Variants in TRIP4 observed in about 807,000 individuals in gnomAD.
TRIP4 encodes activating signal cointegrator 1.
Under a neutral mutation model 81.8 loss-of-function variants are expected in TRIP4, and 54 were observed. That is an observed-to-expected ratio of 0.66 (90% CI 0.53 to 0.83). The LOEUF (loss-of-function observed/expected upper bound fraction) is 0.83. Ranked by LOEUF, TRIP4 falls within the 40% of genes least tolerant of loss-of-function variation. The probability of loss-of-function intolerance (pLI) is 0.00; values close to 1 mark genes in which losing one functional copy is unlikely to be tolerated. For synonymous variants in TRIP4, 270 were observed against 242.8 expected (o/e 1.11, Z -1.04); for missense variants, 662 against 683.6 (o/e 0.97, Z 0.35).
At chr15:64,424,413 C>A (rs2140300799) in intron 10 of TRIP4, 4 of 407,610 alleles carry the variant, frequency 9.8e-6, no homozygotes, top group South Asian at 9.7e-5. Context: ...AAATCATCTT[C>A]TTTACTCTAA....
intron 5 of TRIP4, among the ~76,000 whole-genome samples, chr15:64,403,962 C>T (rs745890212): frequency 1.3e-5 from 2 of 152,060 alleles, no homozygotes; most frequent in Admixed American, 6.6e-5. Flanking sequence ...GAGGCCGAGA[C>T]GGGCGGATCA....
intron 11 of TRIP4, among the ~76,000 whole-genome samples, chr15:64,439,726 G>A (rs185833714): frequency 6.6e-6 from 1 of 151,706 alleles, no homozygotes; most frequent in East Asian, 1.9e-4. Flanking sequence ...GTTTCACCAT[G>A]TTGGCCAGGC....
At position 64,414,335 on chromosome 15, in the gene TRIP4, G is replaced by C; in HGVS notation, c.1170+124G>C. 5.3e-6 allele frequency: 7 copies of C among 1,313,874 alleles called. No homozygotes were observed. The South Asian group carries it at 1.1e-4, about 20-fold the overall frequency. The allele number at this position is 1,313,874 out of a possible 1,614,324, so 81.4% of individuals were successfully genotyped here. On this transcript the variant is annotated intron_variant, in intron 8 of 12. Coordinates refer to ENST00000261884, the MANE Select transcript of TRIP4 (RefSeq NM_016213.5). ...TCTCTCAATACACCTGTACCAATCAGCTCTCTCAACACACCTGCCAACCTT... is the reference window on the plus strand; with the variant it reads ...TCTCTCAATACACCTGTACCAATCACCTCTCTCAACACACCTGCCAACCTT...
At chr15:64,419,270 G>C (rs926825692) in intron 9 of TRIP4, among the ~76,000 whole-genome samples, 3 of 152,184 alleles carry the variant, frequency 2.0e-5, no homozygotes, top group African/African-American at 7.2e-5. Flanking sequence ...GAGATAAGTA[G>C]AGGTATTATA....
chr15:64,421,550 G>A (rs1396140319), intron 9 of TRIP4, among the ~76,000 whole-genome samples: 1 of 151,574 alleles, frequency 6.6e-6, no homozygotes, highest in East Asian at 2.0e-4. Flanking sequence ...TGGCCAGGCT[G>A]GTCTCAAACT....
intron 5 of TRIP4, among the ~76,000 whole-genome samples, chr15:64,401,252 A>G (rs1429634477): frequency 6.6e-6 from 1 of 151,440 alleles, no homozygotes; most frequent in Non-Finnish European, 1.5e-5. Flanking sequence ...CTCCTGCCTC[A>G]GCCTGCCAAG....
chr15:64,399,144 T>A (rs1322770930), intron 4 of TRIP4, among the ~76,000 whole-genome samples: 1 of 151,670 alleles, frequency 6.6e-6, no homozygotes, highest in Non-Finnish European at 1.5e-5. Context: ...AGAGACAGGG[T>A]TTCACCATAT....
intron 12 of TRIP4, among the ~76,000 whole-genome samples, chr15:64,447,656 C>T (rs139374130): frequency 5.7e-4 from 87 of 152,304 alleles, no homozygotes; most frequent in African/African-American, 1.9e-3. Context: ...TTACTTCAGA[C>T]GGTACTCCAG....
chr15:64,410,245 C>G (rs953209229), intron 7 of TRIP4, among the ~76,000 whole-genome samples: 16 of 152,074 alleles, frequency 1.1e-4, no homozygotes, highest in Admixed American at 1.0e-3. Context: ...AGGCTGGTCT[C>G]AAACTACTGA....
In TRIP4 at chr15:64,387,852, CGG is replaced by C. The variant is rs1411471642; in HGVS notation, c.-11_-10del. 1 of 1,542,142 alleles carries C rather than the reference CGG, an allele frequency of 6.5e-7. No individual in the cohort carries two copies. The highest frequency in any genetic ancestry group is 8.7e-7 in the Non-Finnish European group (1 of 1,146,152). On this transcript the variant is annotated 5_prime_UTR_variant, in exon 1 of 13. Coordinates refer to ENST00000261884, the MANE Select transcript of TRIP4 (RefSeq NM_016213.5). ...GGGGCTTTTGCAGCTCAGCTGGTTC[CGG>C]CTGGGGAAGATGGCGGTGGCTGGGG... is the stretch of plus-strand genomic sequence containing the variant.
Position 64,403,187 on chromosome 15 carries a change from C to T in TRIP4, c.697+2366C>T, listed in dbSNP as rs886509781. The stretch of plus-strand genomic sequence containing the variant: ...TTTTAATTTTTTTTAGACGGAGTCT[C>T]GCTCTTTCGCCCGGGCTGGAGTGCA... On this transcript the variant is annotated intron_variant, in intron 5 of 12. Coordinates refer to ENST00000261884, the MANE Select transcript of TRIP4 (RefSeq NM_016213.5). Among the ~76,000 whole-genome samples the T allele has an allele frequency of 1.7e-4, 26 of 149,460 alleles. 1 individual carries two copies. Among genetic ancestry groups the T allele is most frequent in the African/African-American group, 5.2e-4 (21 of 40,438 alleles).
chr15:64,411,082 TGGG>T (rs1596344145), intron 7 of TRIP4, among the ~76,000 whole-genome samples: 1 of 152,264 alleles, frequency 6.6e-6, no homozygotes, highest in East Asian at 1.9e-4. Context: ...TTACTGTGAA[TGGG>T]AGTATTAAAA....
intron 7 of TRIP4, among the ~76,000 whole-genome samples, chr15:64,412,963 G>T (rs1425577612): frequency 6.6e-6 from 1 of 152,138 alleles, no homozygotes; most frequent in Non-Finnish European, 1.5e-5. Context: ...TGTATCCAAT[G>T]ATTGTTTAGA....
chr15:64,452,335 A>G (rs1242554635), intron 12 of TRIP4, among the ~76,000 whole-genome samples: 3 of 152,194 alleles, frequency 2.0e-5, no homozygotes, highest in Non-Finnish European at 4.4e-5. Flanking sequence ...CTTCAACATG[A>G]TGCTCAAAGG....
intron 7 of TRIP4, 52 bp from the exon 8 acceptor site, chr15:64,414,033 T>C: frequency 6.3e-7 from 1 of 1,592,436 alleles, no homozygotes; most frequent in Non-Finnish European, 8.6e-7. Flanking sequence ...TGGTAAGCAT[T>C]CTGAGCATAG....
chr15:64,438,349 C>T (rs547835916), intron 11 of TRIP4, among the ~76,000 whole-genome samples: 7 of 152,240 alleles, frequency 4.6e-5, no homozygotes, highest in South Asian at 2.1e-4. Context: ...TTTTGAGTTT[C>T]GCTCTTGTTG....
In TRIP4 at chr15:64,395,423, C is replaced by T. The variant is rs990141491; in HGVS notation, c.297C>T (p.Gly99=). ...KDEILDGQKS[G]DHLKRGRKKG... is the part of the protein sequence containing the mutation. ...AAATTTTAGATGGGCAGAAATCAGG[C>T]GACCATCTAAAGCGGGGTAGGAAGA... Residue 99 remains glycine, a synonymous_variant, in exon 3 of 13, where the codon GGC becomes GGT. Transcript: ENST00000261884. 6 of 1,610,442 alleles carry T rather than the reference C, an allele frequency of 3.7e-6. No individual in the cohort carries two copies. The East Asian group carries it at 6.7e-5, about 18-fold the overall frequency.
Position 64,414,115 on chromosome 15 carries a change from T to A in TRIP4, c.1074T>A (p.Asn358Lys). Reference protein sequence around the residue: ...RLDETIQAIANGTLNQPLTKL... With the variant: ...RLDETIQAIAKGTLNQPLTKL... ...ATGAGACAATACAGGCCATTGCCAA[T>A]GGAACCTTGAACCAGCCACTGACCA... is the stretch of plus-strand genomic sequence containing the variant. Residue 358 changes from asparagine to lysine, a missense_variant, in exon 8 of 13, where the codon AAT becomes AAA. Asn to Lys is a moderately conservative substitution (Grantham distance 94). Coordinates refer to ENST00000261884, the MANE Select transcript of TRIP4 (RefSeq NM_016213.5). 1 of 1,614,132 alleles carries A rather than the reference T, an allele frequency of 6.2e-7. No individual in the cohort carries two copies. The highest frequency in any genetic ancestry group is 1.1e-5 in the South Asian group (1 of 91,084).
At chr15:64,447,654 G>C (rs992306898) in intron 12 of TRIP4, among the ~76,000 whole-genome samples, 1 of 152,170 alleles carries the variant, frequency 6.6e-6, no homozygotes, top group African/African-American at 2.4e-5. Context: ...ATTTACTTCA[G>C]ACGGTACTCC....
Sources: allele counts gnomAD v4.1 joint callset (sites outside exome capture counted in the v4.1 genomes callset), GRCh38; gene constraint gnomAD v4.1.1; transcripts MANE v1.5; gene names NCBI Gene and HGNC (gene_info 2026-07-23, HGNC 2026-07-21).